ARHGEF9: variants seen among roughly 807,000 people sequenced by gnomAD.
ARHGEF9 encodes Cdc42 guanine nucleotide exchange factor 9, also known as rho guanine nucleotide exchange factor 9.
A neutral mutation model predicts 41.3 loss-of-function variants in ARHGEF9; 2 were observed. The ratio of observed to expected loss-of-function variants is 0.05; its 90% CI spans 0.02 to 0.15. The LOEUF is 0.15. Among genes scored for constraint, ARHGEF9 ranks in the 10% least tolerant of loss-of-function variants. The pLI, the probability that ARHGEF9 is intolerant of heterozygous loss-of-function variation, is 1.00. For synonymous variants in ARHGEF9, 160 were observed against 154.4 expected, an observed-to-expected ratio of 1.04 and a Z score of -0.27; for missense variants, 225 against 424.7, an observed-to-expected ratio of 0.53 and a Z score of 4.13.
At chrX:63,706,497 G>A (rs782346688) in intron 2 of ARHGEF9, 48 bp from the exon 3 acceptor site, 3 of 1,152,398 alleles carry the variant, frequency 2.6e-6, no homozygotes, top group Non-Finnish European at 3.5e-6. Context: ...TCCTTCTTTG[G>A]GAGGTTTCCA....
chrX:63,663,030 T>C (rs1263771612), intron 7 of ARHGEF9, among the ~76,000 whole-genome samples: 17 of 111,791 alleles, frequency 1.5e-4, no homozygotes, highest in African/African-American at 5.5e-4. Context: ...ACTAGAATCC[T>C]TATGAAAGTA....
chrX:63,662,099 C>T (rs1357689487), intron 7 of ARHGEF9, among the ~76,000 whole-genome samples: 1 of 111,352 alleles, frequency 9.0e-6, no homozygotes, highest in Non-Finnish European at 1.9e-5. Flanking sequence ...TTAATGAGTA[C>T]CAGGCACTCT....
intron 2 of ARHGEF9, among the ~76,000 whole-genome samples, chrX:63,720,433 T>C (rs782573658): frequency 8.9e-6 from 1 of 112,114 alleles, no homozygotes; most frequent in South Asian, 3.7e-4. Flanking sequence ...ATCTGATTTC[T>C]AGAGTTACCA....
intron 6 of ARHGEF9, among the ~76,000 whole-genome samples, chrX:63,669,280 T>G (rs1195068109): frequency 9.0e-5 from 10 of 111,608 alleles, no homozygotes; most frequent in Non-Finnish European, 5.6e-5. Flanking sequence ...TTTGGATCTG[T>G]TCACTCCCTC....
rs145692842 is a variant in ARHGEF9, at chrX:63,778,811, G to A, written c.30+6305C>T. ...CAGCCTCTTTGCTAAAACATAGAAA[G>A]AATCACCTTTGCTCCAGTTCGCAAT... On this transcript the variant is annotated intron_variant, in intron 1 of 9. Transcript: ENST00000671741. Among the ~76,000 whole-genome samples, 22 of 111,968 alleles carry A rather than the reference G, an allele frequency of 2.0e-4. No individual in the cohort carries two copies. The East Asian group carries it at 5.9e-3, about 30-fold the overall frequency.
At chrX:63,779,753 C>T (rs1483052077) in intron 1 of ARHGEF9, among the ~76,000 whole-genome samples, 1 of 111,826 alleles carries the variant, frequency 8.9e-6, no homozygotes, top group African/African-American at 3.3e-5. Flanking sequence ...GGCCCACAGT[C>T]CAAAGCTGAC....
At chrX:63,660,495 C>A (rs2049148557) in intron 7 of ARHGEF9, among the ~76,000 whole-genome samples, 2 of 111,337 alleles carry the variant, frequency 1.8e-5, no homozygotes, top group Non-Finnish European at 1.9e-5. Flanking sequence ...CGGCAACATG[C>A]AATTTACCTA....
At chrX:63,644,263 T>A in intron 8 of ARHGEF9, 1 of 339,792 alleles carries the variant, frequency 2.9e-6, no homozygotes, top group Non-Finnish European at 5.1e-6. Flanking sequence ...AGCTACAAAA[T>A]GCACAACACA....
chrX:63,657,159 C>T (rs782345710), intron 7 of ARHGEF9: 1 of 112,430 alleles, frequency 8.9e-6, no homozygotes, highest in South Asian at 3.7e-4. Flanking sequence ...CTCCTCTCTG[C>T]TTTATCTGCT....
chrX:63,746,345 C>T (rs2055271932), intron 1 of ARHGEF9, among the ~76,000 whole-genome samples: 1 of 111,809 alleles, frequency 8.9e-6, no homozygotes, highest in Non-Finnish European at 1.9e-5. Context: ...TTTTTTCTTC[C>T]TCCACATTGC....
chrX:63,668,652 T>C (rs2049738612), intron 6 of ARHGEF9, among the ~76,000 whole-genome samples: 1 of 111,972 alleles, frequency 8.9e-6, no homozygotes, highest in Non-Finnish European at 1.9e-5. Flanking sequence ...ATAAAGTGCC[T>C]AGAAGGTACA....
intron 3 of ARHGEF9, chrX:63,701,638 C>G (rs781943591): frequency 2.7e-5 from 3 of 111,532 alleles, no homozygotes; most frequent in Admixed American, 9.5e-5. Flanking sequence ...GATAGGAAAC[C>G]CTTTCTTCAA....
chrX:63,705,808 A>G (rs1556401211), intron 3 of ARHGEF9, among the ~76,000 whole-genome samples: 1 of 111,515 alleles, frequency 9.0e-6, no homozygotes, highest in Non-Finnish European at 1.9e-5. Flanking sequence ...GGGGGACAAG[A>G]GTGAGAGGGC....
Position 63,637,090 on chromosome X carries a change from G to T in ARHGEF9, c.*938C>A. 3.4e-6 allele frequency: 1 copy of T among 297,131 alleles called. No individual in the cohort carries two copies. The highest frequency in any genetic ancestry group is 2.0e-4 in the South Asian group (1 of 4,942). 24.5% of individuals were successfully genotyped at this position (297,131 alleles called of 1,213,427 possible). A position where few individuals can be genotyped will look rare whatever the true frequency, so the allele number is the denominator to read the frequency against. ...TAAGGGAGAGACAGGCCTAGGGGGA[G>T]ACCTATAACAAAAGTGACTTGAAAA... On this transcript the variant is annotated 3_prime_UTR_variant, in exon 10 of 10. Coordinates refer to ENST00000671741, the MANE Select transcript of ARHGEF9 (RefSeq NM_001353921.2).
intron 1 of ARHGEF9, among the ~76,000 whole-genome samples, chrX:63,725,403 A>T (rs2053897549): frequency 1.8e-5 from 2 of 111,805 alleles, no homozygotes. Flanking sequence ...CAGTAGGGGG[A>T]GAGGTCTGGG....
intron 1 of ARHGEF9, among the ~76,000 whole-genome samples, chrX:63,730,160 G>A (rs2054195984): frequency 9.0e-6 from 1 of 111,600 alleles, no homozygotes; most frequent in Admixed American, 9.5e-5. Context: ...AGAAGAAATG[G>A]GAAAGACAGA....
chrX:63,680,638 T>C (rs1381477166), intron 4 of ARHGEF9, among the ~76,000 whole-genome samples: 7 of 112,558 alleles, frequency 6.2e-5, no homozygotes, highest in Non-Finnish European at 1.3e-4. Flanking sequence ...TAGGCCTCTC[T>C]GTCAAGGACC....
intron 1 of ARHGEF9, among the ~76,000 whole-genome samples, chrX:63,779,196 T>C (rs1235685902): frequency 2.7e-5 from 3 of 111,971 alleles, no homozygotes; most frequent in Non-Finnish European, 5.6e-5. Flanking sequence ...GTTGCTTCCA[T>C]ATTTTGGGGT....
At chrX:63,709,993 T>C (rs1556405701) in intron 2 of ARHGEF9, among the ~76,000 whole-genome samples, 1 of 110,617 alleles carries the variant, frequency 9.0e-6, no homozygotes, top group African/African-American at 3.3e-5. Flanking sequence ...TTTAAAATTA[T>C]ACATTATACA....
Sources: gnomAD v4.1 joint callset for allele counts (sites outside exome capture counted in the v4.1 genomes callset) on GRCh38, gnomAD v4.1.1 for gene constraint, MANE v1.5 for transcripts, NCBI Gene and HGNC (gene_info 2026-07-23, HGNC 2026-07-21) for gene names.